Variants in TIGIT observed in about 807,000 individuals in gnomAD.
TIGIT encodes the protein T-cell immunoreceptor with Ig and ITIM domains.
TIGIT carries 11 observed loss-of-function variants against 19.6 expected under a neutral mutation model. That is an observed-to-expected ratio of 0.56 (90% CI 0.35 to 0.93). The LOEUF (loss-of-function observed/expected upper bound fraction) is 0.93. TIGIT is among the 40% of genes least tolerant of loss of function. The probability of loss-of-function intolerance (pLI) is 0.01; values close to 1 mark genes in which losing one functional copy is unlikely to be tolerated. For missense variants in TIGIT, 295 were observed against 303.9 expected (o/e 0.97, Z 0.22); for synonymous variants, 130 against 125.5 (o/e 1.04, Z -0.24).
chr3:114,296,573 G>C (rs1189167188), intron 2 of TIGIT, among the ~76,000 whole-genome samples: 1 of 152,328 alleles, frequency 6.6e-6, no homozygotes, highest in East Asian at 1.9e-4. Context: ...AAGACCTTAT[G>C]CGATGCTAAT....
At chr3:114,301,840 G>A (rs1301965455) in intron 3 of TIGIT, among the ~76,000 whole-genome samples, 1 of 152,170 alleles carries the variant, frequency 6.6e-6, no homozygotes, top group Non-Finnish European at 1.5e-5. Flanking sequence ...TCAGTCTTCT[G>A]TCTCTCTCTC....
intron 3 of TIGIT, chr3:114,307,472 G>C (rs1434922421): frequency 5.4e-6 from 1 of 184,722 alleles, no homozygotes; most frequent in East Asian, 1.6e-4. Flanking sequence ...AAAGAGAAAA[G>C]GGGCAGGCCT....
intron 3 of TIGIT, among the ~76,000 whole-genome samples, chr3:114,302,518 T>C (rs1290645332): frequency 2.0e-5 from 3 of 152,224 alleles, no homozygotes; most frequent in Non-Finnish European, 2.9e-5. Context: ...CTATTAACCA[T>C]TTTAATATTC....
At chr3:114,303,597 GTATATATA>G (rs368266926) in intron 3 of TIGIT, among the ~76,000 whole-genome samples, 810 of 7,818 alleles carry the variant, frequency 0.1, 51 homozygotes, top group South Asian at 0.35. Context: ...ACATATATAT[GTATATATA>G]TATATACATA....
At chr3:114,299,534 C>A in intron 2 of TIGIT, 63 bp from the exon 3 acceptor site, 1 of 1,299,650 alleles carries the variant, frequency 7.7e-7, no homozygotes, top group Non-Finnish European at 1.1e-6. Context: ...GCTCAGGCTG[C>A]CCTGGGGAAA....
intron 3 of TIGIT, among the ~76,000 whole-genome samples, chr3:114,304,215 A>C (rs2078515772): frequency 6.6e-6 from 1 of 151,762 alleles, no homozygotes; most frequent in Non-Finnish European, 1.5e-5. Context: ...TACTCTGCTG[A>C]TTATTTCTTT....
intron 3 of TIGIT, 70 bp from the exon 4 acceptor site, chr3:114,307,825 G>T: frequency 1.5e-6 from 2 of 1,351,822 alleles, no homozygotes; most frequent in Non-Finnish European, 2.1e-6. Context: ...GGAAGAGAGA[G>T]ATGTCATATT....
At chr3:114,296,638 T>C (rs879283919) in intron 2 of TIGIT, among the ~76,000 whole-genome samples, 4 of 152,230 alleles carry the variant, frequency 2.6e-5, no homozygotes, top group Non-Finnish European at 5.9e-5. Flanking sequence ...GCCTGGAACA[T>C]GGTAAGTGCT....
intron 2 of TIGIT, among the ~76,000 whole-genome samples, chr3:114,297,275 A>C (rs926557201): frequency 1.3e-5 from 2 of 152,152 alleles, no homozygotes; most frequent in African/African-American, 2.4e-5. Context: ...GTCTGGGTAA[A>C]TTATGTACTT....
Position 114,295,790 on chromosome 3 carries a change from A to C in TIGIT, c.307A>C (p.Thr103Pro), listed in dbSNP as rs2078449979. 1 of 1,614,156 alleles carries C rather than the reference A, an allele frequency of 6.2e-7. No individual in the cohort carries two copies. The highest frequency in any genetic ancestry group is 8.5e-7 in the Non-Finnish European group (1 of 1,180,006). Residue 103 changes from threonine to proline, a missense_variant, in exon 2 of 4, where the codon ACA (threonine) becomes CCA (proline). Physicochemically the swap from Thr to Pro is conservative, Grantham distance 38. Transcript: ENST00000383671. Reference protein sequence around the residue: ...LTLQSLTVNDTGEYFCIYHTY... With the variant: ...LTLQSLTVNDPGEYFCIYHTY... ...CCTCCAGTCGCTGACCGTGAACGAT[A>C]CAGGGGAGTACTTCTGCATCTATCA...
intron 2 of TIGIT, 32 bp from the exon 3 acceptor site, chr3:114,299,565 T>C: frequency 5.2e-6 from 8 of 1,526,206 alleles, no homozygotes; most frequent in Non-Finnish European, 7.3e-6. Context: ...TTCTGGCTTC[T>C]GCCACTCATC....
chr3:114,304,999 G>A (rs1435244563), intron 3 of TIGIT, among the ~76,000 whole-genome samples: 2 of 152,188 alleles, frequency 1.3e-5, no homozygotes, highest in Admixed American at 6.5e-5. Flanking sequence ...GTGGATAGAC[G>A]AGTGTCTTTT....
Position 114,309,951 on chromosome 3 carries a change from G to C in TIGIT, c.*1820G>C, listed in dbSNP as rs2078561082. ...CCTATAGATGTTAGAAATGGGTCAGGTTACTGAAATGGGATTCAATTTGAA... is the reference window on the plus strand; with the variant it reads ...CCTATAGATGTTAGAAATGGGTCAGCTTACTGAAATGGGATTCAATTTGAA... On this transcript the variant is annotated 3_prime_UTR_variant, in exon 4 of 4. Coordinates refer to ENST00000383671, the MANE Select transcript of TIGIT (RefSeq NM_173799.4). 6.6e-6 allele frequency: 1 copy of C among 152,128 alleles called. No homozygotes were observed. Among genetic ancestry groups the C allele is most frequent in the Admixed American group, 6.6e-5 (1 of 15,264 alleles). 9.4% of individuals were successfully genotyped at this position (152,128 alleles called of 1,614,324 possible).
At chr3:114,295,226 T>C (rs1042604483) in intron 1 of TIGIT, among the ~76,000 whole-genome samples, 11 of 151,920 alleles carry the variant, frequency 7.2e-5, no homozygotes, top group Non-Finnish European at 1.5e-4. Context: ...AAGTCAGCTC[T>C]GGAAGCATAG....
In TIGIT at chr3:114,307,930, C is replaced by T. The variant is rs1299744496; in HGVS notation, c.534C>T (p.Asp178=). 1 of 1,614,134 alleles carries T rather than the reference C, an allele frequency of 6.2e-7. No homozygotes were observed. Among genetic ancestry groups the T allele is most frequent in the Non-Finnish European group, 8.5e-7 (1 of 1,180,022 alleles). The change falls in exon 4 of 4, where the codon GAC becomes GAT. Residue 178 remains aspartate (D), a synonymous_variant. Transcript: ENST00000383671. ...TCAGAATCCATTCTGTGGAAGGTGA[C>T]CTCAGGAGAAAATCAGCTGGACAGG... is the stretch of plus-strand genomic sequence containing the variant. ...KALRIHSVEG[D]LRRKSAGQEE...
chr3:114,295,425 A>G, intron 1 of TIGIT, 120 bp from the exon 2 acceptor site: 2 of 742,964 alleles, frequency 2.7e-6, no homozygotes, highest in South Asian at 3.4e-5. Context: ...AACAGGATGG[A>G]CTGGAGAAAC....
Position 114,307,970 on chromosome 3 carries a change from A to G in TIGIT, c.574A>G (p.Ser192Gly), listed in dbSNP as rs764320930. 34 of 1,614,084 alleles carry G rather than the reference A, an allele frequency of 2.1e-5. No homozygotes were observed. The highest frequency in any genetic ancestry group is 2.7e-5 in the African/African-American group (2 of 74,914). ...AGCTGGACAGGAGGAATGGAGCCCCAGTGCTCCCTCACCCCCAGGAAGCTG... is the reference window on the plus strand; with the variant it reads ...AGCTGGACAGGAGGAATGGAGCCCCGGTGCTCCCTCACCCCCAGGAAGCTG... ...KSAGQEEWSP[S>G]APSPPGSCVQ... The change falls in exon 4 of 4, where the codon AGT becomes GGT. Residue 192 changes from serine (S) to glycine (G), a missense_variant. Ser to Gly is a moderately conservative substitution (Grantham distance 56). Transcript: ENST00000383671.
In TIGIT at chr3:114,309,637, C is replaced by T. The variant is rs1330169803; in HGVS notation, c.*1506C>T. Reference sequence around the variant, plus strand: ...AGAATGAACTGAAATCTGTCCAGAGCTCCAAGTCCTTTGGAAGAAAGATTA... The same window carrying T: ...AGAATGAACTGAAATCTGTCCAGAGTTCCAAGTCCTTTGGAAGAAAGATTA... On this transcript the variant is annotated 3_prime_UTR_variant, in exon 4 of 4. Transcript: ENST00000383671. 4.6e-5 allele frequency: 7 copies of T among 152,184 alleles called. No homozygotes were observed. Among genetic ancestry groups the T allele is most frequent in the African/African-American group, 1.7e-4 (7 of 41,440 alleles). 9.4% of individuals were successfully genotyped at this position (152,184 alleles called of 1,614,324 possible). A position where few individuals can be genotyped will look rare whatever the true frequency, so the allele number is the denominator to read the frequency against.
chr3:114,305,228 A>T (rs533089855), intron 3 of TIGIT, among the ~76,000 whole-genome samples: 3 of 152,136 alleles, frequency 2.0e-5, no homozygotes, highest in Non-Finnish European at 4.4e-5. Flanking sequence ...ACCAGCTCAT[A>T]GTTTCCATCC....
Sources: gnomAD v4.1 joint callset for allele counts (sites outside exome capture counted in the v4.1 genomes callset) on GRCh38, gnomAD v4.1.1 for gene constraint, MANE v1.5 for transcripts, NCBI Gene and HGNC (gene_info 2026-07-23, HGNC 2026-07-21) for gene names.